The following NCAPH2 variants were observed in gnomAD, a reference collection of about 807,000 sequenced individuals.
The protein encoded by NCAPH2 is condensin-2 complex subunit H2.
Under a neutral mutation model 88.6 loss-of-function variants are expected in NCAPH2, and 56 were observed. The ratio of observed to expected loss-of-function variants is 0.63; its 90% CI spans 0.51 to 0.79. NCAPH2 has a LOEUF of 0.79. Among genes scored for constraint, NCAPH2 ranks in the 30% least tolerant of loss-of-function variants. The pLI is 0.00. For synonymous variants in NCAPH2, 378 were observed against 313.6 expected (o/e 1.21, Z -2.17); for missense variants, 794 against 792.0 (o/e 1.00, Z -0.03).
Position 50,522,875 on chromosome 22 carries a change from C to T in NCAPH2, c.1480C>T (p.Arg494Cys), listed in dbSNP as rs751567124. The part of the protein sequence containing the change: ...KFVQETELSQ[R>C]IRDWEDTVQP... ...TGTCCAGGAGACAGAGCTGAGCCAGCGCATCAGGGACTGGGAGGACACAGT... is the reference window on the plus strand; with the variant it reads ...TGTCCAGGAGACAGAGCTGAGCCAGTGCATCAGGGACTGGGAGGACACAGT... Residue 494 changes from arginine to cysteine, a missense_variant, in exon 18 of 20, where the codon CGC becomes TGC. This residue lies in a region of NCAPH2 where 735 missense variants were observed against 696.3 expected (regional missense o/e 1.06). Coordinates refer to ENST00000420993, the MANE Select transcript of NCAPH2 (RefSeq NM_152299.4). The T allele has an allele frequency of 1.1e-5, 17 of 1,613,302 alleles. No individual in the cohort carries two copies. Among genetic ancestry groups the T allele is most frequent in the Middle Eastern group, 1.6e-4 (1 of 6,084 alleles).
At position 50,523,306 on chromosome 22, in the gene NCAPH2, A is replaced by G. The variant is rs759109463; in HGVS notation, c.1749A>G (p.Arg583=). The change falls in exon 20 of 20, where the codon AGA becomes AGG. Residue 583 remains arginine, a synonymous_variant. Transcript: ENST00000420993. ...TGGCCGTGGACACCATGTCCCTGAG[A>G]CTGCTCACGCACCAGCGAGCGCACA... ...LEMAVDTMSL[R]LLTHQRAHKR... is the part of the protein sequence containing the mutation. 1.3e-6 allele frequency: 2 copies of G among 1,597,668 alleles called. No individual in the cohort carries two copies.
chr22:50,516,586 G>A (rs748547937), intron 2 of NCAPH2, 38 bp downstream of exon 2: 2 of 1,594,582 alleles, frequency 1.3e-6, no homozygotes, highest in Non-Finnish European at 1.7e-6. Context: ...CATTTTGGTG[G>A]CCAGTGGGAC....
At chr22:50,509,406 T>G (rs550823962) in intron 1 of NCAPH2, among the ~76,000 whole-genome samples, 13 of 152,306 alleles carry the variant, frequency 8.5e-5, no homozygotes, top group African/African-American at 3.1e-4. Flanking sequence ...AACCCCAGCT[T>G]TTCCCATCTC....
intron 8 of NCAPH2, among the ~76,000 whole-genome samples, 194 bp downstream of exon 8, chr22:50,518,926 A>ACTGACTGCCCT: frequency 6.6e-6 from 1 of 152,156 alleles, no homozygotes; most frequent in Non-Finnish European, 1.5e-5. Flanking sequence ...ATCTTGGTTC[A>ACTGACTGCCCT]CTGACTGCCC....
Position 50,518,375 on chromosome 22 carries a change from G to T in NCAPH2, c.646+97G>T. 4.6e-6 allele frequency: 7 copies of T among 1,509,002 alleles called. No homozygotes were observed. The South Asian group carries it at 9.0e-5, about 19-fold the overall frequency. The allele number at this position is 1,509,002 out of a possible 1,614,324, so 93.5% of individuals were successfully genotyped here. ...CCTGTGCTTGCCACCTCTGGTCTTG[G>T]GAGCTCCCTGTCTCTGGGTGCCTGC... On this transcript the variant is annotated intron_variant, in intron 7 of 19. Transcript: ENST00000420993.
intron 1 of NCAPH2, 22 bp downstream of exon 1, chr22:50,508,467 CGCGGGGTGGGCCGGCGGGTGGGGCT>C: frequency 3.4e-6 from 1 of 297,560 alleles, no homozygotes; most frequent in South Asian, 5.4e-5. Flanking sequence ...GGGGGAGTGA[CGCGGGGTGGGCCGGCGGGTGGGGCT>C]GCGGGGCGGG....
At position 50,522,012 on chromosome 22, in the gene NCAPH2, C is replaced by T. The variant is rs563550622; in HGVS notation, c.1135C>T (p.Leu379Phe). ...AYADHADSRR[L>F]RRKGPSFADM... ...TGCAGACCATGCCGACAGCAGGCGGCTTCGGCGAAAGGGTCCGTCCTTTGC... is the reference window on the plus strand; with the variant it reads ...TGCAGACCATGCCGACAGCAGGCGGTTTCGGCGAAAGGGTCCGTCCTTTGC... Residue 379 changes from leucine (L) to phenylalanine (F), a missense_variant, in exon 13 of 20, where the codon CTT (leucine) becomes TTT (phenylalanine). Physicochemically the swap from Leu to Phe is conservative, Grantham distance 22. Coordinates refer to ENST00000420993, the MANE Select transcript of NCAPH2 (RefSeq NM_152299.4). 1 of 1,614,056 alleles carries T rather than the reference C, an allele frequency of 6.2e-7. No homozygotes were observed. The highest frequency in any genetic ancestry group is 1.3e-5 in the African/African-American group (1 of 75,078).
At chr22:50,519,784 C>T in intron 9 of NCAPH2, 1 of 975,372 alleles carries the variant, frequency 1.0e-6, no homozygotes, top group Non-Finnish European at 1.2e-6. Context: ...CGTTTCTTCA[C>T]TCTAGTTGGT....
intron 9 of NCAPH2, 111 bp downstream of exon 9, chr22:50,519,431 CACTGGTCTGGGGCAGA>C: frequency 1.4e-5 from 21 of 1,486,238 alleles, no homozygotes; most frequent in Non-Finnish European, 1.9e-5. Flanking sequence ...GGCCCCAGAC[CACTGGTCTGGGGCAGA>C]AGCCCACCTG....
intron 1 of NCAPH2, among the ~76,000 whole-genome samples, chr22:50,515,483 G>A (rs1341554823): frequency 2.6e-5 from 4 of 152,026 alleles, no homozygotes; most frequent in Non-Finnish European, 4.4e-5. Context: ...TGCAAGCTCC[G>A]CCTCCCAGGT....
chr22:50,524,536 G>A lies in NCAPH2; in HGVS notation c.*1161G>A, dbSNP rs2069245517. Reference sequence around the variant, plus strand: ...ATCTGAAGGACCCAGCCCACGTTCAGGCTTAACAGGCATTTGCAGCTGCTC... The same window carrying A: ...ATCTGAAGGACCCAGCCCACGTTCAAGCTTAACAGGCATTTGCAGCTGCTC... On this transcript the variant is annotated 3_prime_UTR_variant, in exon 20 of 20. Transcript: ENST00000420993. 1.1e-6 allele frequency: 1 copy of A among 945,128 alleles called. No individual in the cohort carries two copies. The highest frequency in any genetic ancestry group is 1.4e-5 in the South Asian group (1 of 71,710). The allele number at this position is 945,128 out of a possible 1,614,324, so 58.5% of individuals were successfully genotyped here.
chr22:50,519,304 C>T lies in NCAPH2; in HGVS notation c.845C>T (p.Ser282Phe), dbSNP rs17850507. Reference protein sequence around the residue: ...APKAALEPKESRSPQQSAALP... With the variant: ...APKAALEPKEFRSPQQSAALP... ...AAGGCCGCTCTGGAGCCCAAGGAGT[C>T]CAGGAGCCCGCAGCAGGTGGGACCC... Residue 282 changes from serine to phenylalanine, a missense_variant, in exon 9 of 20, where the codon TCC (serine) becomes TTC (phenylalanine). Ser to Phe is a radical substitution (Grantham distance 155, BLOSUM62 -2). This residue lies in a region of NCAPH2 where 735 missense variants were observed against 696.3 expected (regional missense o/e 1.06). Transcript: ENST00000420993. The T allele has an allele frequency of 0.01, 16,787 of 1,607,928 alleles. 94 individuals carry two copies. The highest frequency in any genetic ancestry group is 0.012 in the Non-Finnish European group (14,358 of 1,177,906).
rs2068968734 is a variant in NCAPH2, at chr22:50,517,758, CT to C, written c.371del (p.Phe124SerfsTer58). The stretch of plus-strand genomic sequence containing the variant: ...CCCTCCAGTTCCTGTCGCTGGATGA[CT>C]TCCCTGACTCCCGGACTAACGTGGA... The part of the protein sequence containing the change: ...AENEFLSLDD[F>X]PDSRTNVDLK... On this transcript the variant is annotated frameshift_variant, in exon 5 of 20. Transcript: ENST00000420993. LOFTEE classifies it high-confidence loss of function. The C allele has an allele frequency of 6.2e-7, 1 of 1,613,928 alleles. No individual in the cohort carries two copies.
rs367583755 is a variant in NCAPH2 at position 50,524,147 on chromosome 22, T to A, written c.*772T>A. 6.2e-7 allele frequency: 1 copy of A among 1,611,668 alleles called. No homozygotes were observed. The highest frequency in any genetic ancestry group is 8.5e-7 in the Non-Finnish European group (1 of 1,180,002). ...GCCTGGCGCAGGGCTTCTGTTCGCT[T>A]TTGCTGCTGCAGCCTCTCCTTCTCA... On this transcript the variant is annotated 3_prime_UTR_variant, in exon 20 of 20. Coordinates refer to ENST00000420993, the MANE Select transcript of NCAPH2 (RefSeq NM_152299.4).
intron 1 of NCAPH2, among the ~76,000 whole-genome samples, chr22:50,513,153 A>T (rs1348466767): frequency 1.3e-5 from 2 of 152,238 alleles, no homozygotes; most frequent in Non-Finnish European, 2.9e-5. Flanking sequence ...GGCGTTAGAG[A>T]TGTACTCTGA....
intron 9 of NCAPH2, chr22:50,519,558 C>T (rs1226716924): frequency 1.5e-6 from 2 of 1,303,904 alleles, no homozygotes; most frequent in Non-Finnish European, 1.9e-6. Flanking sequence ...GGGCTGGCGT[C>T]CAAGGATTTG....
chr22:50,517,866 C>T, intron 5 of NCAPH2, 57 bp downstream of exon 5: 1 of 1,604,218 alleles, frequency 6.2e-7, no homozygotes, highest in Non-Finnish European at 8.5e-7. Context: ...TTCCCTGGGG[C>T]TGTGTTGAGC....
chr22:50,522,816 C>T lies in NCAPH2; in HGVS notation c.1426-5C>T. 1.2e-6 allele frequency: 2 copies of T among 1,612,792 alleles called. No individual in the cohort carries two copies. The highest frequency in any genetic ancestry group is 1.7e-6 in the Non-Finnish European group (2 of 1,179,582). ...AGGCAGTAGCTCCTGCTGATCCTCC[C>T]CTAGGAGCTCTTCATCGCCACCTCC... is the stretch of plus-strand genomic sequence containing the variant. On this transcript the variant is annotated splice_region_variant and splice_polypyrimidine_tract_variant and intron_variant, in intron 17 of 19. Coordinates refer to ENST00000420993, the MANE Select transcript of NCAPH2 (RefSeq NM_152299.4).
intron 1 of NCAPH2, among the ~76,000 whole-genome samples, chr22:50,511,178 T>C (rs2068772770): frequency 6.6e-6 from 1 of 151,400 alleles, no homozygotes; most frequent in Non-Finnish European, 1.5e-5. Context: ...ATGTTTTTTT[T>C]TTGAGATGGA....
Sources: gnomAD v4.1 joint callset for allele counts (sites outside exome capture counted in the v4.1 genomes callset) on GRCh38, gnomAD v4.1.1 for gene constraint, gnomAD v4.1.1 regional missense constraint, MANE v1.5 for transcripts, NCBI Gene and HGNC (gene_info 2026-07-23, HGNC 2026-07-21) for gene names.